RMDN2: variants seen among roughly 807,000 people sequenced by gnomAD.
RMDN2 encodes the protein regulator of microtubule dynamics protein 2.
Under a neutral mutation model 52.8 loss-of-function variants are expected in RMDN2, and 61 were observed. That is an observed-to-expected ratio of 1.16 (90% CI 0.94 to 1.43). The LOEUF (loss-of-function observed/expected upper bound fraction) is 1.43. Among genes scored for constraint, RMDN2 ranks in the 40% most tolerant of loss-of-function variants. The pLI is 0.00. For missense variants in RMDN2, 592 were observed against 475.3 expected (o/e 1.25, Z -2.28); for synonymous variants, 180 against 153.1 (o/e 1.18, Z -1.30).
At chr2:38,064,497 A>G (rs1682188991) in intron 10 of RMDN2, among the ~76,000 whole-genome samples, 1 of 152,070 alleles carries the variant, frequency 6.6e-6, no homozygotes, top group Non-Finnish European at 1.5e-5. Context: ...CTCAAAAAAA[A>G]AAAGAAAGAA....
chr2:38,034,000 C>A (rs336036), intron 10 of RMDN2, among the ~76,000 whole-genome samples: 2 of 152,112 alleles, frequency 1.3e-5, no homozygotes, highest in African/African-American at 4.8e-5. Flanking sequence ...AATCTGTTGA[C>A]GTTTATCCCC....
chr2:38,014,490 T>C (rs1226076271), intron 10 of RMDN2, among the ~76,000 whole-genome samples: 3 of 152,234 alleles, frequency 2.0e-5, no homozygotes, highest in Non-Finnish European at 4.4e-5. Context: ...CTTAAAATAA[T>C]TGATGATACA....
At chr2:38,023,114 A>T (rs1679518483) in intron 10 of RMDN2, among the ~76,000 whole-genome samples, 1 of 152,240 alleles carries the variant, frequency 6.6e-6, no homozygotes, top group Non-Finnish European at 1.5e-5. Flanking sequence ...ACAGCAACCT[A>T]TGAGGAAGAA....
chr2:37,977,775 G>T (rs1477307252), intron 4 of RMDN2, among the ~76,000 whole-genome samples: 2 of 151,986 alleles, frequency 1.3e-5, no homozygotes, highest in African/African-American at 4.8e-5. Flanking sequence ...TGGCCGGGCA[G>T]AGACGCTCCT....
At position 37,998,023 on chromosome 2, in the gene RMDN2, C is replaced by G. The variant is rs1297410222; in HGVS notation, c.1044+509C>G. 3 of 163,704 alleles carry G rather than the reference C, an allele frequency of 1.8e-5. No homozygotes were observed. The Admixed American group carries it at 1.8e-4, about 10-fold the overall frequency. 10.1% of individuals were successfully genotyped at this position (163,704 alleles called of 1,614,324 possible). A position where few individuals can be genotyped will look rare whatever the true frequency, so the allele number is the denominator to read the frequency against. The stretch of plus-strand genomic sequence containing the variant: ...TCAGACCAAATCAGTATTCTCAATC[C>G]TGTCTTAAAATGTATAATCGCTGTA... On this transcript the variant is annotated intron_variant, in intron 8 of 10. Transcript: ENST00000354545.
intron 10 of RMDN2, chr2:38,032,729 C>A (rs35270497): frequency 6.6e-6 from 1 of 152,212 alleles, no homozygotes; most frequent in Non-Finnish European, 1.5e-5. Context: ...ATCCCAGCTA[C>A]TCAGGAGGCT....
chr2:37,990,333 A>G (rs1674609560), intron 6 of RMDN2, among the ~76,000 whole-genome samples: 1 of 150,866 alleles, frequency 6.6e-6, no homozygotes, highest in Admixed American at 6.6e-5. Context: ...AGCCTGGCCA[A>G]CATGGTGAAA....
intron 2 of RMDN2, among the ~76,000 whole-genome samples, chr2:37,946,964 A>G (rs1668273461): frequency 6.6e-6 from 1 of 152,122 alleles, no homozygotes; most frequent in Non-Finnish European, 1.5e-5. Context: ...ATCATTTCAA[A>G]CCCTGGACTG....
chr2:38,010,450 T>G (rs1230541232), intron 10 of RMDN2, among the ~76,000 whole-genome samples: 1 of 152,214 alleles, frequency 6.6e-6, no homozygotes, highest in African/African-American at 2.4e-5. Flanking sequence ...CCTTGCAGTT[T>G]GATCTCAGAC....
At chr2:38,021,142 A>C (rs1229276062), downstream of RMDN2, among the ~76,000 whole-genome samples, 1 of 152,160 alleles carries the variant, frequency 6.6e-6, no homozygotes, top group African/African-American at 2.4e-5. Context: ...TCTGGTGGCA[A>C]CTTGGAGAAC....
intron 2 of RMDN2, among the ~76,000 whole-genome samples, chr2:37,964,034 G>C (rs1275201087): frequency 6.6e-6 from 1 of 150,406 alleles, no homozygotes; most frequent in Non-Finnish European, 1.5e-5. Context: ...CCTGGCGGGG[G>C]CTGCCCCCCA....
At position 38,050,205 on chromosome 2, in the gene RMDN2, C is replaced by T. The variant is rs149513195; in HGVS notation, c.1714-16777C>T. ...TCTGTGAGACCTCGCACCATGGCCC[C>T]ACATGATGTGCCTCCACTCCTCTCA... On this transcript the variant is annotated intron_variant, in intron 10 of 10. Transcript: ENST00000234195. 1.4e-3 allele frequency among the ~76,000 whole-genome samples: 213 copies of T among 152,218 alleles called. 1 individual carries two copies. The highest frequency in any genetic ancestry group is 4.9e-3 in the African/African-American group (205 of 41,548).
chr2:37,993,179 C>T (rs1240294765), intron 7 of RMDN2, among the ~76,000 whole-genome samples: 1 of 152,186 alleles, frequency 6.6e-6, no homozygotes. Context: ...CCTGCCTCGG[C>T]CTCCCAAAAT....
intron 10 of RMDN2, among the ~76,000 whole-genome samples, chr2:38,043,058 G>T (rs562731902): frequency 1.3e-5 from 2 of 152,198 alleles, no homozygotes; most frequent in African/African-American, 4.8e-5. Flanking sequence ...CTGATTTTCT[G>T]ATTGTTTTAT....
At chr2:37,995,897 A>G (rs1675468787) in intron 7 of RMDN2, among the ~76,000 whole-genome samples, 1 of 152,226 alleles carries the variant, frequency 6.6e-6, no homozygotes, top group African/African-American at 2.4e-5. Context: ...TAAAAATTGT[A>G]AAATCTCAGT....
At chr2:37,950,396 A>G (rs1668626255) in intron 2 of RMDN2, 3 of 1,574,200 alleles carry the variant, frequency 1.9e-6, no homozygotes, top group South Asian at 2.2e-5. Context: ...CAGTTCTAAT[A>G]TAAACTGATG....
At position 37,927,511 on chromosome 2, in the gene RMDN2, G is replaced by A. The variant is rs1021481005; in HGVS notation, c.-16-1751G>A. ...TCTCAAGAATAAGTTCTCCTTCCTA[G>A]GTAGATTTTTACTTCTACTTATTTG... On this transcript the variant is annotated intron_variant, in intron 1 of 10. Transcript: ENST00000354545. Among the ~76,000 whole-genome samples the A allele has an allele frequency of 2.0e-5, 3 of 152,118 alleles. 1 individual carries two copies. The highest frequency in any genetic ancestry group is 7.2e-5 in the African/African-American group (3 of 41,404).
intron 2 of RMDN2, among the ~76,000 whole-genome samples, chr2:37,932,459 CCT>C (rs1666845838): frequency 6.6e-6 from 1 of 150,764 alleles, no homozygotes; most frequent in African/African-American, 2.4e-5. Flanking sequence ...CCCATGTCTA[CCT>C]CTTTCTACAC....
At chr2:37,926,464 A>G (rs1373958279) in intron 1 of RMDN2, among the ~76,000 whole-genome samples, 2 of 152,232 alleles carry the variant, frequency 1.3e-5, no homozygotes, top group Admixed American at 6.5e-5. Context: ...ATTAAGTGCC[A>G]TAATCTATAT....
Sources: allele counts gnomAD v4.1 joint callset (sites outside exome capture counted in the v4.1 genomes callset), GRCh38; gene constraint gnomAD v4.1.1; transcripts MANE v1.5; gene names NCBI Gene and HGNC (gene_info 2026-07-23, HGNC 2026-07-21).